Variants in BRINP1 observed in about 807,000 individuals in gnomAD.
The protein encoded by BRINP1 is BMP/retinoic acid inducible neural specific 1.
Under a neutral mutation model 72.9 loss-of-function variants are expected in BRINP1, and 17 were observed. That is an observed-to-expected ratio of 0.23 (90% CI 0.16 to 0.35). BRINP1 has a LOEUF of 0.35. Among genes scored for constraint, BRINP1 ranks in the 10% least tolerant of loss-of-function variants. The probability of loss-of-function intolerance (pLI) is 1.00; values close to 1 mark genes in which losing one functional copy is unlikely to be tolerated. For missense variants in BRINP1, 850 were observed against 1,001.6 expected (o/e 0.85, Z 2.04); for synonymous variants, 418 against 378.5 (o/e 1.10, Z -1.21).
intron 7 of BRINP1, among the ~76,000 whole-genome samples, chr9:119,197,097 G>GT (rs1456413638): frequency 6.6e-6 from 1 of 152,154 alleles, no homozygotes; most frequent in Admixed American, 6.5e-5. Flanking sequence ...GGAAGTCTGG[G>GT]TTTAAACGCA....
intron 2 of BRINP1, among the ~76,000 whole-genome samples, chr9:119,294,941 C>A (rs952550899): frequency 1.3e-5 from 2 of 150,638 alleles, no homozygotes; most frequent in African/African-American, 4.9e-5. Flanking sequence ...TCCATAATAC[C>A]CAGCTGATCT....
Position 119,285,771 on chromosome 9 carries a change from G to T in BRINP1, c.218+27367C>A, listed in dbSNP as rs563446221. Among the ~76,000 whole-genome samples the T allele has an allele frequency of 8.5e-5, 13 of 152,090 alleles. 1 individual carries two copies. In the South Asian group the frequency reaches 2.5e-3, roughly 29 times the overall value. On this transcript the variant is annotated intron_variant, in intron 2 of 7. Transcript: ENST00000265922. ...ATCCCCAGAGGATTTCTGGTGCCTT[G>T]GTAGTGGTGTGTATCTGGTATCATT... is the stretch of plus-strand genomic sequence containing the variant.
chr9:119,224,792 C>T (rs1830073996), intron 5 of BRINP1, among the ~76,000 whole-genome samples: 1 of 152,034 alleles, frequency 6.6e-6, no homozygotes, highest in Non-Finnish European at 1.5e-5. Flanking sequence ...TACCATGTCT[C>T]TCACATTCCA....
At chr9:119,350,544 G>A (rs1411367764) in intron 1 of BRINP1, among the ~76,000 whole-genome samples, 1 of 151,870 alleles carries the variant, frequency 6.6e-6, no homozygotes, top group African/African-American at 2.4e-5. Context: ...ATCAGCTGGT[G>A]CATATATATT....
intron 1 of BRINP1, among the ~76,000 whole-genome samples, chr9:119,347,157 A>G (rs901074857): frequency 2.0e-5 from 3 of 152,130 alleles, no homozygotes; most frequent in African/African-American, 7.2e-5. Flanking sequence ...TACAGTTCCA[A>G]GAGATTTTTT....
At chr9:119,177,928 C>T (rs1829507641) in intron 7 of BRINP1, among the ~76,000 whole-genome samples, 1 of 152,006 alleles carries the variant, frequency 6.6e-6, no homozygotes, top group Non-Finnish European at 1.5e-5. Flanking sequence ...ACTTAGAAAG[C>T]AGGTGGTGTT....
At chr9:119,325,411 G>C (rs1032250669) in intron 1 of BRINP1, among the ~76,000 whole-genome samples, 1 of 151,962 alleles carries the variant, frequency 6.6e-6, no homozygotes, top group Non-Finnish European at 1.5e-5. Context: ...CACCCTATTC[G>C]GCCATTGCCA....
At chr9:119,327,777 A>G (rs1379790955) in intron 1 of BRINP1, among the ~76,000 whole-genome samples, 1 of 152,172 alleles carries the variant, frequency 6.6e-6, no homozygotes, top group Admixed American at 6.5e-5. Context: ...GGTGCTATTC[A>G]TGACAATAAA....
chr9:119,350,738 G>T (rs552345793), intron 1 of BRINP1, among the ~76,000 whole-genome samples: 1 of 151,884 alleles, frequency 6.6e-6, no homozygotes, highest in African/African-American at 2.4e-5. Flanking sequence ...AGCCCTGGCC[G>T]GCTCAATTCT....
intron 1 of BRINP1, among the ~76,000 whole-genome samples, chr9:119,366,019 C>T (rs189314293): frequency 3.3e-5 from 5 of 152,266 alleles, no homozygotes; most frequent in African/African-American, 1.2e-4. Flanking sequence ...TCTCCAGGGT[C>T]TCTCTTTCAC....
In BRINP1 at chr9:119,221,199, T is replaced by C. The variant is rs1161186570; in HGVS notation, c.686-7044A>G. 3.3e-5 allele frequency among the ~76,000 whole-genome samples: 5 copies of C among 152,276 alleles called. No homozygotes were observed. In the East Asian group the frequency reaches 9.7e-4, roughly 29 times the overall value. ...CTGAGCTTTATAGGAGCCCCAGCTG[T>C]TGTCTTGTACCACTAAGTTCTGCTT... is the stretch of plus-strand genomic sequence containing the variant. On this transcript the variant is annotated intron_variant, in intron 5 of 7. Coordinates refer to ENST00000265922, the MANE Select transcript of BRINP1 (RefSeq NM_014618.3).
chr9:119,228,300 G>A (rs1338208503), intron 5 of BRINP1, among the ~76,000 whole-genome samples: 9 of 151,562 alleles, frequency 5.9e-5, no homozygotes, highest in Admixed American at 1.3e-4. Flanking sequence ...ATGTATGTAC[G>A]TGTATACACA....
At position 119,166,930 on chromosome 9, in the gene BRINP1, G is replaced by A. The variant is rs576460327; in HGVS notation, c.*154C>T. The A allele has an allele frequency of 3.5e-4, 288 of 813,796 alleles. 1 individual carries two copies. The highest frequency in any genetic ancestry group is 4.8e-4 in the Non-Finnish European group (250 of 519,134). The allele number at this position is 813,796 out of a possible 1,614,324, so 50.4% of individuals were successfully genotyped here. A position where few individuals can be genotyped will look rare whatever the true frequency, so the allele number is the denominator to read the frequency against. On this transcript the variant is annotated 3_prime_UTR_variant, in exon 8 of 8. Transcript: ENST00000265922. ...AACGCTTTTATACAGTTGCTAGAAC[G>A]TTTTCATTTCCAACAAATGAAGATT...
chr9:119,315,591 A>G (rs1564246193), intron 1 of BRINP1, among the ~76,000 whole-genome samples: 2 of 152,298 alleles, frequency 1.3e-5, no homozygotes, highest in South Asian at 4.2e-4. Context: ...GTTTAAGTGA[A>G]AGGAGGAGTC....
chr9:119,331,810 T>G (rs1480451279), intron 1 of BRINP1, among the ~76,000 whole-genome samples: 1 of 152,230 alleles, frequency 6.6e-6, no homozygotes, highest in African/African-American at 2.4e-5. Flanking sequence ...CAGACCACTT[T>G]GGTCAAAATC....
chr9:119,265,732 TA>T (rs111559803), intron 2 of BRINP1, among the ~76,000 whole-genome samples: 7 of 152,156 alleles, frequency 4.6e-5, no homozygotes, highest in Admixed American at 1.3e-4. Flanking sequence ...TACCTTTTTT[TA>T]AAACATTTAT....
intron 5 of BRINP1, among the ~76,000 whole-genome samples, chr9:119,238,339 C>T (rs183597589): frequency 6.6e-6 from 1 of 152,140 alleles, no homozygotes; most frequent in Admixed American, 6.5e-5. Context: ...ATAAACTTGA[C>T]ATATACAGCA....
At chr9:119,315,726 A>T (rs1405847753) in intron 1 of BRINP1, among the ~76,000 whole-genome samples, 1 of 152,230 alleles carries the variant, frequency 6.6e-6, no homozygotes, top group Non-Finnish European at 1.5e-5. Flanking sequence ...TAAGGAAATT[A>T]AATGTGCTGT....
At chr9:119,187,010 CTCTTCCTTCCGGGAGCCA>C (rs1829629196) in intron 7 of BRINP1, among the ~76,000 whole-genome samples, 1 of 152,022 alleles carries the variant, frequency 6.6e-6, no homozygotes, top group African/African-American at 2.4e-5. Flanking sequence ...ACTGAAACAC[CTCTTCCTTCCGGGAGCCA>C]TACCAGTGCA....
Sources: allele counts gnomAD v4.1 joint callset (sites outside exome capture counted in the v4.1 genomes callset), GRCh38; gene constraint gnomAD v4.1.1; transcripts MANE v1.5; gene names NCBI Gene and HGNC (gene_info 2026-07-23, HGNC 2026-07-21).